Variants in PARM1 observed in about 807,000 individuals in gnomAD.
PARM1 encodes the protein WSC4, cell wall integrity and stress response component 4 homolog.
Under a neutral mutation model 24.6 loss-of-function variants are expected in PARM1, and 14 were observed. The observed-to-expected ratio is 0.57, with a 90% confidence interval of 0.38 to 0.89. PARM1 has a LOEUF of 0.89. Among genes scored for constraint, PARM1 ranks in the 40% least tolerant of loss-of-function variants. The probability of loss-of-function intolerance (pLI) is 0.00; values close to 1 mark genes in which losing one functional copy is unlikely to be tolerated. For synonymous variants in PARM1, 179 were observed against 156.6 expected (o/e 1.14, Z -1.07); for missense variants, 362 against 380.4 (o/e 0.95, Z 0.40).
At chr4:74,998,069 G>C (rs1722609191) in intron 1 of PARM1, among the ~76,000 whole-genome samples, 1 of 152,144 alleles carries the variant, frequency 6.6e-6, no homozygotes, top group Admixed American at 6.5e-5. Context: ...CATTTTAATA[G>C]TTCCCACAGA....
intron 2 of PARM1, among the ~76,000 whole-genome samples, chr4:75,019,741 C>T (rs1057205109): frequency 2.0e-5 from 3 of 152,148 alleles, no homozygotes; most frequent in East Asian, 1.9e-4. Flanking sequence ...CGGTGGCTCA[C>T]GCCTGTAATC....
chr4:74,965,253 A>T (rs1456934492), intron 1 of PARM1: 4 of 152,228 alleles, frequency 2.6e-5, no homozygotes, highest in Admixed American at 2.0e-4. Context: ...TTTCTTAGTT[A>T]TTAATACTAT....
intron 1 of PARM1, among the ~76,000 whole-genome samples, chr4:75,008,897 T>C (rs1358583630): frequency 6.6e-6 from 1 of 151,444 alleles, no homozygotes; most frequent in Non-Finnish European, 1.5e-5. Flanking sequence ...ATCTATTACA[T>C]GATGCTATGA....
intron 1 of PARM1, among the ~76,000 whole-genome samples, chr4:74,934,596 T>G (rs547023766): frequency 2.0e-5 from 3 of 152,368 alleles, no homozygotes; most frequent in South Asian, 4.1e-4. Context: ...TCGGCACGGT[T>G]TGGAGACGCG....
intron 3 of PARM1, among the ~76,000 whole-genome samples, chr4:75,037,393 T>G (rs1356600953): frequency 6.6e-6 from 1 of 152,150 alleles, no homozygotes; most frequent in Non-Finnish European, 1.5e-5. Context: ...GGCAGCCTCA[T>G]GATCAGAAAA....
intron 1 of PARM1, among the ~76,000 whole-genome samples, chr4:75,006,094 A>G (rs2109789944): frequency 6.6e-6 from 1 of 152,330 alleles, no homozygotes; most frequent in African/African-American, 2.4e-5. Context: ...TTTTCTTCAA[A>G]GAAAAGTGGC....
chr4:75,017,096 C>T (rs1723003217), intron 2 of PARM1, among the ~76,000 whole-genome samples: 1 of 152,164 alleles, frequency 6.6e-6, no homozygotes, highest in Admixed American at 6.5e-5. Flanking sequence ...TATATCCTGT[C>T]CATGAGATCT....
rs189557754 is a variant in PARM1 at position 74,964,340 on chromosome 4, A to C, written c.43+30970A>C. Among the ~76,000 whole-genome samples the C allele has an allele frequency of 2.1e-3, 320 of 152,318 alleles. 2 individuals are homozygous for C. Among genetic ancestry groups the C allele is most frequent in the African/African-American group, 7.1e-3 (297 of 41,574 alleles). The stretch of plus-strand genomic sequence containing the variant: ...CCTGCATGATTGATGAGGTCACATT[A>C]GTCCCCCCACTTCAGACACACTGTC... On this transcript the variant is annotated intron_variant, in intron 1 of 3. Coordinates refer to ENST00000307428, the MANE Select transcript of PARM1 (RefSeq NM_015393.4).
intron 2 of PARM1, among the ~76,000 whole-genome samples, chr4:75,014,894 G>GC (rs1312910776): frequency 1.3e-5 from 2 of 152,154 alleles, no homozygotes; most frequent in Admixed American, 6.5e-5. Flanking sequence ...CAGGTTCCCA[G>GC]CATGAAGGTA....
chr4:74,973,741 C>G (rs1377925704), intron 1 of PARM1, among the ~76,000 whole-genome samples: 1 of 152,164 alleles, frequency 6.6e-6, no homozygotes, highest in Non-Finnish European at 1.5e-5. Context: ...TGTCTCCTCT[C>G]TCTTGACCCA....
chr4:74,972,242 T>C (rs544190510), intron 1 of PARM1, among the ~76,000 whole-genome samples: 2 of 152,316 alleles, frequency 1.3e-5, no homozygotes, highest in South Asian at 4.1e-4. Flanking sequence ...ATCTGCAAGA[T>C]TGTGGTCTAC....
intron 1 of PARM1, among the ~76,000 whole-genome samples, chr4:74,945,994 T>C (rs570792924): frequency 1.3e-5 from 2 of 152,338 alleles, no homozygotes; most frequent in South Asian, 2.1e-4. Flanking sequence ...CCTCTCACAT[T>C]ATAGATAAAA....
intron 1 of PARM1, among the ~76,000 whole-genome samples, chr4:74,996,805 G>A (rs1280289003): frequency 1.3e-5 from 2 of 152,166 alleles, no homozygotes; most frequent in Admixed American, 6.6e-5. Context: ...ATAGAAAGGA[G>A]AATTAATTTT....
intron 1 of PARM1, among the ~76,000 whole-genome samples, chr4:74,971,520 C>G (rs562538949): frequency 6.6e-6 from 1 of 152,158 alleles, no homozygotes; most frequent in African/African-American, 2.4e-5. Context: ...AATGGCATAT[C>G]CTATTTTATT....
At chr4:74,950,873 T>C (rs1042864865) in intron 1 of PARM1, among the ~76,000 whole-genome samples, 1 of 151,972 alleles carries the variant, frequency 6.6e-6, no homozygotes, top group Non-Finnish European at 1.5e-5. Context: ...AGATGGCATT[T>C]CTGGTTCCTG....
chr4:75,028,786 A>G (rs1293156744), intron 2 of PARM1, among the ~76,000 whole-genome samples: 8 of 152,236 alleles, frequency 5.3e-5, no homozygotes, highest in African/African-American at 1.9e-4. Flanking sequence ...AGAGCCCAGC[A>G]AAGTTATTTC....
At chr4:75,033,652 A>G (rs2109808982) in intron 2 of PARM1, among the ~76,000 whole-genome samples, 1 of 152,232 alleles carries the variant, frequency 6.6e-6, no homozygotes, top group East Asian at 1.9e-4. Context: ...AAGTCTTGAT[A>G]AATATTGACG....
intron 2 of PARM1, among the ~76,000 whole-genome samples, chr4:75,028,492 A>G (rs1222932361): frequency 6.6e-6 from 1 of 152,212 alleles, no homozygotes; most frequent in Non-Finnish European, 1.5e-5. Context: ...TAATCTCTGG[A>G]CCAGGAAGTG....
intron 1 of PARM1, among the ~76,000 whole-genome samples, chr4:74,994,391 C>T (rs1722535876): frequency 6.6e-6 from 1 of 152,210 alleles, no homozygotes; most frequent in African/African-American, 2.4e-5. Flanking sequence ...GGCAATTTCC[C>T]TTCATTAATT....
Sources: allele counts gnomAD v4.1 joint callset (sites outside exome capture counted in the v4.1 genomes callset), GRCh38; gene constraint gnomAD v4.1.1; transcripts MANE v1.5; gene names NCBI Gene and HGNC (gene_info 2026-07-23, HGNC 2026-07-21).